The following HLCS variants were observed in gnomAD, a reference collection of about 807,000 sequenced individuals.
HLCS encodes the protein biotin--protein ligase.
HLCS carries 53 observed loss-of-function variants against 75.0 expected under a neutral mutation model. The ratio of observed to expected loss-of-function variants is 0.71; its 90% CI spans 0.57 to 0.89. The LOEUF (loss-of-function observed/expected upper bound fraction) is 0.89, where lower values mean the gene tolerates loss of function less well. Among genes scored for constraint, HLCS ranks in the 40% least tolerant of loss-of-function variants. The pLI is 0.00. For missense variants in HLCS, 966 were observed against 1,074.0 expected, an observed-to-expected ratio of 0.90 and a Z score of 1.41; for synonymous variants, 431 against 428.6, an observed-to-expected ratio of 1.01 and a Z score of -0.07.
intron 6 of HLCS, among the ~76,000 whole-genome samples, chr21:36,769,446 A>G (rs921450585): frequency 6.6e-6 from 1 of 152,264 alleles, no homozygotes; most frequent in Non-Finnish European, 1.5e-5. Context: ...AGGAGAAACC[A>G]TAAATGCATT....
At position 36,965,574 on chromosome 21, in the gene HLCS, C is replaced by G. The variant is rs368712359; in HGVS notation, c.195+870G>C. Among the ~76,000 whole-genome samples, 53 of 152,268 alleles carry G rather than the reference C, an allele frequency of 3.5e-4. 1 individual carries two copies. The South Asian group carries it at 9.9e-3, about 29-fold the overall frequency. ...AAAAAAAACAAAGGCTGACTGTCAACTGAAATTTAAAAGACGCAAAGACCA... is the reference window on the plus strand; with the variant it reads ...AAAAAAAACAAAGGCTGACTGTCAAGTGAAATTTAAAAGACGCAAAGACCA... On this transcript the variant is annotated intron_variant, in intron 1 of 10. Coordinates refer to ENST00000674895, the MANE Select transcript of HLCS (RefSeq NM_001352514.2).
In HLCS at chr21:36,752,292, T is replaced by C. The variant is rs1355462045; in HGVS notation, c.*1954A>G. 3 of 152,756 alleles carry C rather than the reference T, an allele frequency of 2.0e-5. No individual in the cohort carries two copies. In the East Asian group the frequency reaches 5.8e-4, roughly 29 times the overall value. The allele number at this position is 152,756 out of a possible 1,614,324, so 9.5% of individuals were successfully genotyped here. ...CAAGGCCACACTTCATTAGTTTTAA[T>C]TTGCAGAAAGGAAATTAAATGATAA... On this transcript the variant is annotated 3_prime_UTR_variant, in exon 11 of 11. Transcript: ENST00000674895.
chr21:36,891,208 C>T, intron 6 of HLCS, among the ~76,000 whole-genome samples: 1 of 152,138 alleles, frequency 6.6e-6, no homozygotes, highest in Non-Finnish European at 1.5e-5. Context: ...CAAGTAAGAA[C>T]ATAAACACTG....
chr21:36,956,450 C>G (rs1032679379), intron 2 of HLCS, among the ~76,000 whole-genome samples: 8 of 152,128 alleles, frequency 5.3e-5, no homozygotes, highest in African/African-American at 1.9e-4. Flanking sequence ...GTTTGTAGGC[C>G]AGGTGTGGTG....
chr21:36,834,244 C>G (rs1312490159), intron 6 of HLCS, among the ~76,000 whole-genome samples: 2 of 152,206 alleles, frequency 1.3e-5, no homozygotes, highest in African/African-American at 4.8e-5. Flanking sequence ...CACCTAAGTT[C>G]TACACACTGA....
chr21:36,895,898 ATAGTAT>A (rs1435629175), intron 6 of HLCS, among the ~76,000 whole-genome samples: 1 of 152,228 alleles, frequency 6.6e-6, no homozygotes, highest in Non-Finnish European at 1.5e-5. Context: ...TTAAACTAAA[ATAGTAT>A]TAGTACTATT....
intron 1 of HLCS, among the ~76,000 whole-genome samples, chr21:36,963,390 C>T (rs1030771368): frequency 1.3e-5 from 2 of 152,160 alleles, no homozygotes; most frequent in African/African-American, 4.8e-5. Context: ...ACCTATTGAA[C>T]TAAATAATGA....
chr21:36,926,361 G>A (rs1601765505), intron 5 of HLCS, among the ~76,000 whole-genome samples: 5 of 152,284 alleles, frequency 3.3e-5, no homozygotes, highest in Admixed American at 6.5e-5. Context: ...CAAGAGTCAC[G>A]TGTTTTACTA....
chr21:36,821,046 G>T (rs1009249791), intron 6 of HLCS, among the ~76,000 whole-genome samples: 1 of 152,194 alleles, frequency 6.6e-6, no homozygotes, highest in East Asian at 1.9e-4. Context: ...CAATGAGTGC[G>T]TGGGAGGCCT....
chr21:36,917,430 G>A (rs2065979698), intron 5 of HLCS, among the ~76,000 whole-genome samples: 1 of 152,124 alleles, frequency 6.6e-6, no homozygotes. Context: ...CCCAAATGCA[G>A]GGCGCACTTT....
chr21:36,875,690 G>A (rs2146251136), intron 6 of HLCS, among the ~76,000 whole-genome samples: 1 of 152,320 alleles, frequency 6.6e-6, no homozygotes, highest in South Asian at 2.1e-4. Context: ...GCTTCTCTCT[G>A]CCTTGCTCGC....
chr21:36,888,444 AAATATATATATATATATATAT>A (rs1468791520), intron 6 of HLCS, among the ~76,000 whole-genome samples: 4,903 of 25,496 alleles, frequency 0.19, 362 homozygotes, highest in South Asian at 0.3. Context: ...AAAAAAAAAA[AAATATATATATATATATATAT>A]ATATATATAT....
At chr21:36,954,373 G>A (rs1483349507) in intron 2 of HLCS, among the ~76,000 whole-genome samples, 1 of 151,954 alleles carries the variant, frequency 6.6e-6, no homozygotes, top group African/African-American at 2.4e-5. Context: ...TCAGCACTTT[G>A]GGAGGCTGAG....
chr21:36,824,437 T>A (rs957330358), intron 6 of HLCS, among the ~76,000 whole-genome samples: 1 of 152,048 alleles, frequency 6.6e-6, no homozygotes, highest in Non-Finnish European at 1.5e-5. Flanking sequence ...CTGGGGCCTG[T>A]CAGAGAAGGG....
In HLCS at chr21:36,930,713, C is replaced by G. The variant is rs529047695; in HGVS notation, c.1438-280G>C. ...CACCCAGATAGCTCATAGCTTTGCT[C>G]TCCTCTGAAAATTAAGGGACACAGT... On this transcript the variant is annotated intron_variant, in intron 4 of 10. Coordinates refer to ENST00000674895, the MANE Select transcript of HLCS (RefSeq NM_001352514.2). Among the ~76,000 whole-genome samples the G allele has an allele frequency of 7.2e-5, 11 of 152,292 alleles. No individual in the cohort carries two copies. The South Asian group carries it at 2.3e-3, about 32-fold the overall frequency.
At chr21:36,978,603 A>G (rs1601938307) in intron 1 of HLCS, among the ~76,000 whole-genome samples, 2 of 152,196 alleles carry the variant, frequency 1.3e-5, no homozygotes, top group East Asian at 3.9e-4. Flanking sequence ...GGGATCCTGT[A>G]GAGCACACTG....
chr21:36,856,078 A>G (rs2063182321), intron 6 of HLCS, among the ~76,000 whole-genome samples: 2 of 152,026 alleles, frequency 1.3e-5, no homozygotes, highest in South Asian at 2.1e-4. Flanking sequence ...GGGCAGGGGG[A>G]AGGGGAGTGA....
At chr21:36,838,166 T>A (rs1166297805) in intron 6 of HLCS, among the ~76,000 whole-genome samples, 2 of 152,122 alleles carry the variant, frequency 1.3e-5, no homozygotes, top group African/African-American at 2.4e-5. Flanking sequence ...AGCCCAACGC[T>A]GGGACGCAGC....
At chr21:36,932,438 C>G (rs1256259931) in intron 4 of HLCS, among the ~76,000 whole-genome samples, 1 of 152,184 alleles carries the variant, frequency 6.6e-6, no homozygotes, top group Non-Finnish European at 1.5e-5. Flanking sequence ...GGCCTTTCCT[C>G]CCACCCTCCT....
Sources: gnomAD v4.1 joint callset for allele counts (sites outside exome capture counted in the v4.1 genomes callset) on GRCh38, gnomAD v4.1.1 for gene constraint, MANE v1.5 for transcripts, NCBI Gene and HGNC (gene_info 2026-07-23, HGNC 2026-07-21) for gene names.